The following ANGPT2 variants were observed in gnomAD, a reference collection of about 807,000 sequenced individuals.
The protein encoded by ANGPT2 is angiopoietin-2.
In ANGPT2, 28 loss-of-function variants were observed where a neutral mutation model predicts 62.9. The ratio of observed to expected loss-of-function variants is 0.44; its 90% CI spans 0.33 to 0.61. The LOEUF (loss-of-function observed/expected upper bound fraction) is 0.61, where lower values mean the gene tolerates loss of function less well. Ranked by LOEUF, ANGPT2 falls within the 20% of genes least tolerant of loss-of-function variation. ANGPT2 has a pLI of 0.03. For missense variants in ANGPT2, 727 were observed against 594.9 expected (o/e 1.22, Z -2.31); for synonymous variants, 284 against 207.8 (o/e 1.37, Z -3.15).
At chr8:6,561,705 G>C (rs1825566660) in intron 1 of ANGPT2, among the ~76,000 whole-genome samples, 1 of 152,174 alleles carries the variant, frequency 6.6e-6, no homozygotes, top group African/African-American at 2.4e-5. Context: ...ACTTCCTTTA[G>C]AATATATATA....
chr8:6,500,540 T>G lies in ANGPT2; in HGVS notation c.*2561A>C, dbSNP rs938591603. 82 of 154,060 alleles carry G rather than the reference T, an allele frequency of 5.3e-4. No homozygotes were observed. Among genetic ancestry groups the G allele is most frequent in the Non-Finnish European group, 4.9e-4 (34 of 69,262 alleles). The allele number at this position is 154,060 out of a possible 1,614,324, so 9.5% of individuals were successfully genotyped here. A position where few individuals can be genotyped will look rare whatever the true frequency, so the allele number is the denominator to read the frequency against. On this transcript the variant is annotated 3_prime_UTR_variant, in exon 9 of 9. Coordinates refer to ENST00000629816, the MANE Select transcript of ANGPT2 (RefSeq NM_001118887.2). ...AATAGCTGAAAGATAAATGGTGATTTTTATCTGCCACTGGTGTTGTTATTT... is the reference window on the plus strand; with the variant it reads ...AATAGCTGAAAGATAAATGGTGATTGTTATCTGCCACTGGTGTTGTTATTT...
intron 1 of ANGPT2, among the ~76,000 whole-genome samples, chr8:6,561,056 G>C (rs1825459278): frequency 6.6e-6 from 1 of 152,210 alleles, no homozygotes; most frequent in Non-Finnish European, 1.5e-5. Context: ...GGTTTACAAA[G>C]AAATAGGAAG....
chr8:6,514,509 G>A (rs373881108), intron 6 of ANGPT2, among the ~76,000 whole-genome samples, 168 bp downstream of exon 6: 4 of 152,152 alleles, frequency 2.6e-5, no homozygotes, highest in Admixed American at 6.6e-5. Context: ...TTTTGATACA[G>A]TTTACCTTAT....
chr8:6,542,645 T>C (rs1383498209), intron 1 of ANGPT2, among the ~76,000 whole-genome samples: 1 of 152,162 alleles, frequency 6.6e-6, no homozygotes, highest in Non-Finnish European at 1.5e-5. Context: ...TTCTTACTTT[T>C]TCATTTTTGA....
chr8:6,535,840 G>A (rs566526306), intron 1 of ANGPT2, among the ~76,000 whole-genome samples: 2 of 151,692 alleles, frequency 1.3e-5, no homozygotes, highest in Non-Finnish European at 2.9e-5. Context: ...TTGCTCTCAG[G>A]AGTTTGAGAC....
At chr8:6,511,762 G>C (rs190701102) in intron 7 of ANGPT2, among the ~76,000 whole-genome samples, 221 of 152,242 alleles carry the variant, frequency 1.5e-3, no homozygotes, top group Non-Finnish European at 2.4e-3. Context: ...TCCAAAAATT[G>C]ATTGCATTTC....
intron 1 of ANGPT2, among the ~76,000 whole-genome samples, chr8:6,559,883 C>G (rs948870963): frequency 6.6e-6 from 1 of 152,192 alleles, no homozygotes; most frequent in Non-Finnish European, 1.5e-5. Flanking sequence ...CCTTGTTTAA[C>G]TACTACACAG....
chr8:6,513,896 T>C (rs1815704063), intron 6 of ANGPT2, 52 bp from the exon 7 acceptor site: 1 of 1,510,518 alleles, frequency 6.6e-7, no homozygotes, highest in Non-Finnish European at 9.0e-7. Context: ...TTTCTTTGTA[T>C]ATTTGAAGTG....
At chr8:6,510,390 A>G (rs1202975127) in intron 7 of ANGPT2, among the ~76,000 whole-genome samples, 1 of 152,214 alleles carries the variant, frequency 6.6e-6, no homozygotes, top group African/African-American at 2.4e-5. Context: ...AAGCACCAAG[A>G]TGATGCCCTT....
chr8:6,557,848 T>C (rs149184416), intron 1 of ANGPT2, among the ~76,000 whole-genome samples: 257 of 152,248 alleles, frequency 1.7e-3, no homozygotes, highest in African/African-American at 5.5e-3. Flanking sequence ...ATGCATCCTC[T>C]AGATCTCAAC....
chr8:6,502,779 AT>A lies in ANGPT2; in HGVS notation c.*321del. 1 of 335,834 alleles carries A rather than the reference AT, an allele frequency of 3.0e-6. No homozygotes were observed. Among genetic ancestry groups the A allele is most frequent in the South Asian group, 4.2e-5 (1 of 23,888 alleles). The allele number at this position is 335,834 out of a possible 1,614,324, so 20.8% of individuals were successfully genotyped here. A position where few individuals can be genotyped will look rare whatever the true frequency, so the allele number is the denominator to read the frequency against. On this transcript the variant is annotated 3_prime_UTR_variant, in exon 9 of 9. Transcript: ENST00000629816. ...TGTTCTGTTTTCCAGTTATTTACTGATAAACTTGCACATAACATTCTTGGTT... is the reference window on the plus strand; with the variant it reads ...TGTTCTGTTTTCCAGTTATTTACTGAAAACTTGCACATAACATTCTTGGTT...
chr8:6,555,941 G>T (rs552419987), intron 1 of ANGPT2, among the ~76,000 whole-genome samples: 3 of 152,212 alleles, frequency 2.0e-5, no homozygotes, highest in African/African-American at 7.2e-5. Context: ...AGAAGGGCTG[G>T]CATCTCACCT....
chr8:6,519,807 T>C (rs1301315173), intron 5 of ANGPT2, 57 bp downstream of exon 5: 1 of 1,588,948 alleles, frequency 6.3e-7, no homozygotes, highest in Non-Finnish European at 8.6e-7. Flanking sequence ...GGTTCCTCAC[T>C]CACTAAAGTG....
chr8:6,534,480 A>G (rs780331428), intron 1 of ANGPT2, among the ~76,000 whole-genome samples: 11 of 152,118 alleles, frequency 7.2e-5, no homozygotes, highest in Non-Finnish European at 1.6e-4. Flanking sequence ...CATGTGTAAA[A>G]TCATTTTGTT....
At chr8:6,534,005 C>A (rs1415783204) in intron 1 of ANGPT2, among the ~76,000 whole-genome samples, 1 of 152,046 alleles carries the variant, frequency 6.6e-6, no homozygotes, top group Admixed American at 6.5e-5. Context: ...CCGATGCCCC[C>A]TCGCCATCGA....
intron 2 of ANGPT2, among the ~76,000 whole-genome samples, chr8:6,527,987 C>A (rs1352680268): frequency 6.7e-6 from 1 of 150,008 alleles, no homozygotes; most frequent in East Asian, 2.0e-4. Context: ...CCTCCGCCTC[C>A]CGGGTTCAAG....
Position 6,499,841 on chromosome 8 carries a change from G to A in ANGPT2, c.*3260C>T. The A allele has an allele frequency of 1.2e-6, 2 of 1,612,108 alleles. No homozygotes were observed. Among genetic ancestry groups the A allele is most frequent in the South Asian group, 1.1e-5 (1 of 91,002 alleles). ...AATGTATAATAAATCTGCTTGTTGT[G>A]TCACTTGCAGGTGCTATGGTCTTTA... On this transcript the variant is annotated 3_prime_UTR_variant, in exon 9 of 9. Coordinates refer to ENST00000629816, the MANE Select transcript of ANGPT2 (RefSeq NM_001118887.2).
intron 3 of ANGPT2, among the ~76,000 whole-genome samples, chr8:6,521,934 T>C (rs1728700143): frequency 6.6e-6 from 1 of 152,242 alleles, no homozygotes. Flanking sequence ...CAGACTCAAG[T>C]ACTGGCTTAC....
At chr8:6,515,321 C>T (rs1816042731) in intron 5 of ANGPT2, among the ~76,000 whole-genome samples, 1 of 152,130 alleles carries the variant, frequency 6.6e-6, no homozygotes, top group African/African-American at 2.4e-5. Context: ...CCTTTATGTG[C>T]AATACTAATC....
Sources: gnomAD v4.1 joint callset for allele counts (sites outside exome capture counted in the v4.1 genomes callset) on GRCh38, gnomAD v4.1.1 for gene constraint, MANE v1.5 for transcripts, NCBI Gene and HGNC (gene_info 2026-07-23, HGNC 2026-07-21) for gene names.